SLC24A2: variants seen among roughly 807,000 people sequenced by gnomAD.
SLC24A2 encodes solute carrier family 24 member 2.
A neutral mutation model predicts 62.0 loss-of-function variants in SLC24A2; 36 were observed. The ratio of observed to expected loss-of-function variants is 0.58; its 90% CI spans 0.44 to 0.77. SLC24A2 has a LOEUF of 0.77. Among genes scored for constraint, SLC24A2 ranks in the 30% least tolerant of loss-of-function variants. The pLI is 0.00. For missense variants in SLC24A2, 846 were observed against 817.9 expected (o/e 1.03, Z -0.42); for synonymous variants, 358 against 294.0 (o/e 1.22, Z -2.23).
chr9:20,075,546 C>T, the SLC24A2 span, among the ~76,000 whole-genome samples: 1 of 152,188 alleles, frequency 6.6e-6, no homozygotes, highest in Non-Finnish European at 1.5e-5. Context: ...CTACAATTCA[C>T]ACCTCACACT....
chr9:19,583,411 C>T (rs148190642), intron 5 of SLC24A2, among the ~76,000 whole-genome samples: 56 of 152,276 alleles, frequency 3.7e-4, no homozygotes, highest in Middle Eastern at 3.4e-3. Context: ...TAGTTATCAC[C>T]GTCTAATATA....
the SLC24A2 span, among the ~76,000 whole-genome samples, chr9:20,205,117 A>G: frequency 6.6e-6 from 1 of 152,156 alleles, no homozygotes; most frequent in Non-Finnish European, 1.5e-5. Flanking sequence ...AAGTCAGTAA[A>G]AGAATTCACA....
chr9:20,164,847 A>T, the SLC24A2 span, among the ~76,000 whole-genome samples: 1 of 151,726 alleles, frequency 6.6e-6, no homozygotes, highest in Non-Finnish European at 1.5e-5. Context: ...ACATGGATGA[A>T]ATTGGAAATC....
intron 9 of SLC24A2, 42 bp downstream of exon 9, chr9:19,528,007 G>A (rs1393510589): frequency 3.3e-6 from 4 of 1,213,044 alleles, no homozygotes; most frequent in South Asian, 1.3e-5. Flanking sequence ...AATCAGGACT[G>A]GAGAAAAACA....
chr9:20,212,804 A>T, the SLC24A2 span, among the ~76,000 whole-genome samples: 1 of 151,332 alleles, frequency 6.6e-6, no homozygotes, highest in Non-Finnish European at 1.5e-5. Context: ...AAATATACAT[A>T]TTTATAAAAA....
the SLC24A2 span, among the ~76,000 whole-genome samples, chr9:20,197,986 G>T: frequency 6.6e-6 from 1 of 152,202 alleles, no homozygotes; most frequent in Non-Finnish European, 1.5e-5. Context: ...CCAAGAAAAA[G>T]ATGCTGAAGA....
chr9:19,575,432 T>A (rs555354893), intron 6 of SLC24A2, among the ~76,000 whole-genome samples: 1 of 152,174 alleles, frequency 6.6e-6, no homozygotes, highest in Non-Finnish European at 1.5e-5. Context: ...AGAACAGAGA[T>A]GAACAGATGA....
At chr9:20,010,125 C>T in the SLC24A2 span, among the ~76,000 whole-genome samples, 6 of 152,306 alleles carry the variant, frequency 3.9e-5, no homozygotes, top group African/African-American at 1.4e-4. Flanking sequence ...ATCAGCAATA[C>T]CATTCTCCCT....
chr9:20,287,438 T>C, the SLC24A2 span, among the ~76,000 whole-genome samples: 1 of 152,044 alleles, frequency 6.6e-6, no homozygotes, highest in Non-Finnish European at 1.5e-5. Context: ...GCCTATCAAC[T>C]CCCCTGGGGT....
the SLC24A2 span, among the ~76,000 whole-genome samples, chr9:19,831,798 G>T: frequency 6.6e-6 from 1 of 152,102 alleles, no homozygotes; most frequent in Non-Finnish European, 1.5e-5. Flanking sequence ...TCCAAATAAA[G>T]AAACCATTTA....
At chr9:19,797,956 G>A in the SLC24A2 span, among the ~76,000 whole-genome samples, 1 of 152,146 alleles carries the variant, frequency 6.6e-6, no homozygotes, top group African/African-American at 2.4e-5. Flanking sequence ...ATTGTAGGCT[G>A]TAACAAATTA....
chr9:20,030,905 G>C, the SLC24A2 span, among the ~76,000 whole-genome samples: 356 of 152,148 alleles, frequency 2.3e-3, 3 homozygotes, highest in Admixed American at 6.5e-3. Flanking sequence ...TCCACCCGCT[G>C]CTCACCCCCA....
At chr9:19,818,675 ACACTG>A in the SLC24A2 span, among the ~76,000 whole-genome samples, 1 of 152,056 alleles carries the variant, frequency 6.6e-6, no homozygotes, top group African/African-American at 2.4e-5. Context: ...AAACTACAAA[ACACTG>A]CTGAAGGAAA....
At chr9:20,045,624 G>C in the SLC24A2 span, among the ~76,000 whole-genome samples, 6 of 151,898 alleles carry the variant, frequency 4.0e-5, no homozygotes, top group Non-Finnish European at 7.4e-5. Flanking sequence ...GTAGAGGCGG[G>C]GTTTCACTAT....
the SLC24A2 span, among the ~76,000 whole-genome samples, chr9:20,018,094 C>G: frequency 6.6e-6 from 1 of 152,090 alleles, no homozygotes; most frequent in Non-Finnish European, 1.5e-5. Context: ...CTACAGGCAC[C>G]CGCCACCAGG....
the SLC24A2 span, among the ~76,000 whole-genome samples, chr9:20,239,220 A>T: frequency 6.6e-6 from 1 of 152,242 alleles, no homozygotes; most frequent in African/African-American, 2.4e-5. Flanking sequence ...AACATAGAGG[A>T]TTCCCAGTTA....
rs556938730 is a variant in SLC24A2, at chr9:19,719,432, C to G, written c.930+66505G>C. On this transcript the variant is annotated intron_variant, in intron 2 of 10. Transcript: ENST00000341998. The stretch of plus-strand genomic sequence containing the variant: ...CTTTATCTGAGTTCTTTACAACACT[C>G]TCAGAGAGGAGTTCTGCCTTTAACC... Among the ~76,000 whole-genome samples, 3 of 152,306 alleles carry G rather than the reference C, an allele frequency of 2.0e-5. No individual in the cohort carries two copies. In the East Asian group the frequency reaches 5.8e-4, roughly 29 times the overall value.
At chr9:20,128,529 T>C in the SLC24A2 span, among the ~76,000 whole-genome samples, 1 of 152,132 alleles carries the variant, frequency 6.6e-6, no homozygotes, top group African/African-American at 2.4e-5. Context: ...GTTAAAACCA[T>C]ATTAATCAGA....
At chr9:20,090,015 G>A in the SLC24A2 span, among the ~76,000 whole-genome samples, 1 of 152,098 alleles carries the variant, frequency 6.6e-6, no homozygotes, top group Admixed American at 6.6e-5. Flanking sequence ...CTTTCTCTGT[G>A]TTGGTGCTAC....
Sources: allele counts gnomAD v4.1 joint callset (sites outside exome capture counted in the v4.1 genomes callset), GRCh38; gene constraint gnomAD v4.1.1; transcripts MANE v1.5; gene names NCBI Gene and HGNC (gene_info 2026-07-23, HGNC 2026-07-21).